The following CDC14A variants were observed in gnomAD, a reference collection of about 807,000 sequenced individuals.
CDC14A encodes the protein cell division cycle 14A.
A neutral mutation model predicts 74.4 loss-of-function variants in CDC14A; 53 were observed. The ratio of observed to expected loss-of-function variants is 0.71; its 90% CI spans 0.57 to 0.89. The LOEUF (loss-of-function observed/expected upper bound fraction) is 0.89, where lower values mean the gene tolerates loss of function less well. Among genes scored for constraint, CDC14A ranks in the 40% least tolerant of loss-of-function variants. The pLI is 0.00. For synonymous variants in CDC14A, 247 were observed against 258.4 expected, an observed-to-expected ratio of 0.96 and a Z score of 0.43; for missense variants, 646 against 713.7, an observed-to-expected ratio of 0.91 and a Z score of 1.08.
intron 2 of CDC14A, among the ~76,000 whole-genome samples, chr1:100,356,711 G>C (rs1651947176): frequency 1.3e-5 from 2 of 151,804 alleles, no homozygotes; most frequent in African/African-American, 4.8e-5. Context: ...AAAATTAGCT[G>C]GGCATGGTGG....
chr1:100,374,091 G>C (rs2100937413), intron 2 of CDC14A, among the ~76,000 whole-genome samples: 1 of 152,238 alleles, frequency 6.6e-6, no homozygotes, highest in East Asian at 1.9e-4. Context: ...TACTGAGAAT[G>C]ATGATTTCCA....
At chr1:100,396,376 G>A (rs557521020) in intron 4 of CDC14A, among the ~76,000 whole-genome samples, 7 of 152,332 alleles carry the variant, frequency 4.6e-5, no homozygotes, top group African/African-American at 1.7e-4. Context: ...ATTTAGAGCT[G>A]TGCCTGGTAT....
chr1:100,349,457 C>T (rs115823977), upstream of CDC14A, among the ~76,000 whole-genome samples: 505 of 152,292 alleles, frequency 3.3e-3, 2 homozygotes, highest in African/African-American at 0.011. Flanking sequence ...AAACTACAAC[C>T]AACAGGAACT....
At chr1:100,364,498 G>A (rs1055384355) in intron 2 of CDC14A, among the ~76,000 whole-genome samples, 45 of 151,936 alleles carry the variant, frequency 3.0e-4, no homozygotes, top group Admixed American at 9.8e-4. Flanking sequence ...AGGCGGAGCC[G>A]TTGCCCCCGG....
At chr1:100,382,211 C>CTTTTTTTTT (rs557184435) in intron 3 of CDC14A, among the ~76,000 whole-genome samples, 1 of 105,136 alleles carries the variant, frequency 9.5e-6, no homozygotes, top group African/African-American at 3.9e-5. Flanking sequence ...TTCCTCTATT[C>CTTTTTTTTT]TTTTTTTTTT....
At chr1:100,505,280 A>G (rs531017932) in intron 15 of CDC14A, among the ~76,000 whole-genome samples, 1 of 150,574 alleles carries the variant, frequency 6.6e-6, no homozygotes, top group East Asian at 2.0e-4. Context: ...GCATTTTTAT[A>G]CTCAGTTGGT....
chr1:100,464,320 C>T (rs548468363), intron 9 of CDC14A, among the ~76,000 whole-genome samples: 4 of 146,740 alleles, frequency 2.7e-5, no homozygotes, highest in Non-Finnish European at 3.0e-5. Context: ...TTGTCTCTGG[C>T]GTGGAGTCTG....
chr1:100,406,789 G>A (rs570976765), intron 4 of CDC14A, among the ~76,000 whole-genome samples: 18 of 152,036 alleles, frequency 1.2e-4, no homozygotes, highest in Non-Finnish European at 2.6e-4. Context: ...AGCCAGGCTT[G>A]GTGGTGGGTG....
At chr1:100,446,709 T>G (rs1344654242) in intron 7 of CDC14A, among the ~76,000 whole-genome samples, 1 of 152,116 alleles carries the variant, frequency 6.6e-6, no homozygotes, top group African/African-American at 2.4e-5. Context: ...ATTTATTGTG[T>G]TTTTTTGAGA....
At position 100,352,916 on chromosome 1, in the gene CDC14A, G is replaced by T. The variant is rs773839890; in HGVS notation, c.-39G>T. The T allele has an allele frequency of 1.1e-5, 18 of 1,613,198 alleles. No homozygotes were observed. The highest frequency in any genetic ancestry group is 1.5e-5 in the Non-Finnish European group (18 of 1,179,902). ...CCCCGGGGGCGAGTGACTTCAGCTGGCCACGACCCAGCCCTCCCCCGTGCG... is the reference window on the plus strand; with the variant it reads ...CCCCGGGGGCGAGTGACTTCAGCTGTCCACGACCCAGCCCTCCCCCGTGCG... On this transcript the variant is annotated 5_prime_UTR_variant, in exon 1 of 16. Coordinates refer to ENST00000336454, the MANE Select transcript of CDC14A (RefSeq NM_003672.4).
At chr1:100,382,077 T>C (rs1217439783) in intron 3 of CDC14A, among the ~76,000 whole-genome samples, 3 of 152,064 alleles carry the variant, frequency 2.0e-5, no homozygotes, top group Non-Finnish European at 4.4e-5. Context: ...TTCATGGCTT[T>C]TTTTCAGGTT....
chr1:100,395,148 G>T (rs1658294694), intron 4 of CDC14A, among the ~76,000 whole-genome samples: 1 of 152,092 alleles, frequency 6.6e-6, no homozygotes. Flanking sequence ...AAAGTATTTT[G>T]TACTAAGACA....
chr1:100,402,618 T>C (rs1659416450), intron 4 of CDC14A, among the ~76,000 whole-genome samples: 1 of 152,206 alleles, frequency 6.6e-6, no homozygotes, highest in Non-Finnish European at 1.5e-5. Flanking sequence ...AGAACCCTTC[T>C]GCAGTCCTGC....
chr1:100,387,081 A>G (rs1656986121), intron 3 of CDC14A, among the ~76,000 whole-genome samples: 1 of 151,942 alleles, frequency 6.6e-6, no homozygotes, highest in African/African-American at 2.4e-5. Flanking sequence ...ATATTTTGTT[A>G]CCCCTCAAAT....
At chr1:100,362,952 A>T (rs1652966966) in intron 2 of CDC14A, among the ~76,000 whole-genome samples, 1 of 152,230 alleles carries the variant, frequency 6.6e-6, no homozygotes, top group African/African-American at 2.4e-5. Flanking sequence ...TGTGAGACAG[A>T]GGAGTCCAAA....
At chr1:100,423,552 C>G (rs1662606885) in intron 4 of CDC14A, among the ~76,000 whole-genome samples, 2 of 152,164 alleles carry the variant, frequency 1.3e-5, no homozygotes, top group Admixed American at 1.3e-4. Flanking sequence ...ACTATATACT[C>G]AGTATCTATG....
chr1:100,423,931 G>T (rs1242298658), intron 4 of CDC14A: 1 of 334,282 alleles, frequency 3.0e-6, no homozygotes, highest in African/African-American at 2.1e-5. Context: ...TATATTATGA[G>T]GGTACAACTG....
chr1:100,435,823 TA>T (rs10545372), intron 5 of CDC14A, among the ~76,000 whole-genome samples: 12,218 of 97,816 alleles, frequency 0.12, 2,107 homozygotes, highest in African/African-American at 0.46. Context: ...AGACTTCGTC[TA>T]AAAAAAAAAA....
At chr1:100,420,057 C>CCATATATATAT (rs1553180503) in intron 4 of CDC14A, among the ~76,000 whole-genome samples, 3 of 30,578 alleles carry the variant, frequency 9.8e-5, no homozygotes, top group African/African-American at 1.4e-4. Context: ...CACACACACA[C>CCATATATATAT]ACACACATAT....
Sources: gnomAD v4.1 joint callset for allele counts (sites outside exome capture counted in the v4.1 genomes callset) on GRCh38, gnomAD v4.1.1 for gene constraint, MANE v1.5 for transcripts, NCBI Gene and HGNC (gene_info 2026-07-23, HGNC 2026-07-21) for gene names.